The following SLC1A3 variants were observed in gnomAD, a reference collection of about 807,000 sequenced individuals.
The protein encoded by SLC1A3 is solute carrier family 1 member 3.
Under a neutral mutation model 48.1 loss-of-function variants are expected in SLC1A3, and 21 were observed. That is an observed-to-expected ratio of 0.44 (90% CI 0.31 to 0.63). The LOEUF is 0.63. SLC1A3 is among the 20% of genes least tolerant of loss of function. SLC1A3 has a pLI of 0.08. For synonymous variants in SLC1A3, 239 were observed against 251.4 expected, an observed-to-expected ratio of 0.95 and a Z score of 0.47; for missense variants, 546 against 689.0, an observed-to-expected ratio of 0.79 and a Z score of 2.32.
chr5:36,629,665 C>T, intron 3 of SLC1A3, 78 bp downstream of exon 3: 5 of 1,248,436 alleles, frequency 4.0e-6, no homozygotes, highest in South Asian at 1.2e-5. Flanking sequence ...AAAGCCAGTG[C>T]TTTAGGTTTC....
intron 3 of SLC1A3, among the ~76,000 whole-genome samples, chr5:36,630,766 G>T (rs796104361): frequency 2.0e-5 from 3 of 152,194 alleles, no homozygotes; most frequent in South Asian, 4.1e-4. Flanking sequence ...TCAATGCCTT[G>T]CAGATCTCTG....
chr5:36,686,430 T>C lies in SLC1A3; in HGVS notation c.*161T>C, dbSNP rs1742652450. The stretch of plus-strand genomic sequence containing the variant: ...GTCCTCCAAAACACAAGGGAGGATT[T>C]TGGGTGGCCAAAGTGTACAATTTTC... On this transcript the variant is annotated 3_prime_UTR_variant, in exon 10 of 10. Transcript: ENST00000265113. 1 of 662,384 alleles carries C rather than the reference T, an allele frequency of 1.5e-6. No homozygotes were observed. Among genetic ancestry groups the C allele is most frequent in the South Asian group, 1.7e-5 (1 of 57,374 alleles). 41.0% of individuals were successfully genotyped at this position (662,384 alleles called of 1,614,324 possible).
chr5:36,649,686 T>C (rs1174059732), intron 3 of SLC1A3, among the ~76,000 whole-genome samples: 1 of 152,240 alleles, frequency 6.6e-6, no homozygotes, highest in African/African-American at 2.4e-5. Flanking sequence ...TCCTGATCAA[T>C]GATTCTCAAA....
At chr5:36,636,511 T>TTCTTTC (rs1740389552) in intron 3 of SLC1A3, 1 of 138,996 alleles carries the variant, frequency 7.2e-6, no homozygotes, top group African/African-American at 2.9e-5. Flanking sequence ...TTCTTTTTCT[T>TTCTTTC]TCTTTCTTTC....
At chr5:36,604,542 T>C (rs1738847383), upstream of SLC1A3, among the ~76,000 whole-genome samples, 1 of 152,204 alleles carries the variant, frequency 6.6e-6, no homozygotes, top group Non-Finnish European at 1.5e-5. Flanking sequence ...TGAGACTCTT[T>C]GCATCTCATT....
intron 3 of SLC1A3, among the ~76,000 whole-genome samples, chr5:36,645,302 G>A (rs1221492555): frequency 7.1e-6 from 1 of 140,874 alleles, no homozygotes; most frequent in Non-Finnish European, 1.5e-5. Flanking sequence ...TTATCTTTGA[G>A]GACTGACTTC....
chr5:36,651,852 A>G (rs915560182), intron 3 of SLC1A3, among the ~76,000 whole-genome samples: 1 of 152,122 alleles, frequency 6.6e-6, no homozygotes, highest in South Asian at 2.1e-4. Context: ...CTCCACTTTC[A>G]TGTTAAAAAG....
chr5:36,649,525 C>A (rs3776576), intron 3 of SLC1A3, among the ~76,000 whole-genome samples: 18,752 of 152,182 alleles, frequency 0.12, 1,288 homozygotes, highest in South Asian at 0.18. Context: ...AGGACTGCAG[C>A]CTTTCTATAG....
intron 6 of SLC1A3, among the ~76,000 whole-genome samples, chr5:36,678,149 G>A (rs1742287952): frequency 6.6e-6 from 1 of 152,156 alleles, no homozygotes; most frequent in African/African-American, 2.4e-5. Flanking sequence ...CCTGAGGCAG[G>A]AAAGCATCCA....
intron 3 of SLC1A3, among the ~76,000 whole-genome samples, chr5:36,655,944 G>A (rs547775015): frequency 1.3e-5 from 2 of 152,294 alleles, no homozygotes; most frequent in African/African-American, 4.8e-5. Flanking sequence ...ACTTAGCCTG[G>A]AACAGAGCTG....
At chr5:36,633,298 T>C (rs1408583226) in intron 3 of SLC1A3, among the ~76,000 whole-genome samples, 1 of 152,168 alleles carries the variant, frequency 6.6e-6, no homozygotes, top group Non-Finnish European at 1.5e-5. Flanking sequence ...AAATCTTTGG[T>C]GTCACCCCAG....
intron 8 of SLC1A3, among the ~76,000 whole-genome samples, chr5:36,681,194 A>G (rs1742430454): frequency 6.6e-6 from 1 of 152,214 alleles, no homozygotes; most frequent in African/African-American, 2.4e-5. Flanking sequence ...GACTTTTCCT[A>G]TGCATAGACA....
intron 4 of SLC1A3, among the ~76,000 whole-genome samples, chr5:36,672,613 A>G (rs528370513): frequency 6.7e-6 from 1 of 149,458 alleles, no homozygotes; most frequent in South Asian, 2.1e-4. Flanking sequence ...TGTGGCAGGT[A>G]AAGCCAAGAG....
chr5:36,613,299 T>C (rs1431126145), intron 2 of SLC1A3: 1 of 158,660 alleles, frequency 6.3e-6, no homozygotes, highest in Non-Finnish European at 1.4e-5. Flanking sequence ...GAGTCTACTC[T>C]GTAAGTGAGT....
At chr5:36,630,311 A>T (rs1740088897) in intron 3 of SLC1A3, 1 of 152,398 alleles carries the variant, frequency 6.6e-6, no homozygotes, top group South Asian at 2.1e-4. Context: ...GGAAAAGGTG[A>T]AAGAGTCATT....
At chr5:36,609,155 C>G (rs1179303779) in intron 2 of SLC1A3, 13 of 985,246 alleles carry the variant, frequency 1.3e-5, no homozygotes, top group African/African-American at 1.7e-5. Flanking sequence ...TAACACAGAT[C>G]TCTTTCATTC....
chr5:36,617,997 A>T (rs1372586533), intron 2 of SLC1A3, among the ~76,000 whole-genome samples: 1 of 152,220 alleles, frequency 6.6e-6, no homozygotes, highest in Non-Finnish European at 1.5e-5. Context: ...TGTGGGATTT[A>T]AAAAAGAGTT....
At chr5:36,625,987 C>A (rs907808926) in intron 2 of SLC1A3, among the ~76,000 whole-genome samples, 2 of 152,190 alleles carry the variant, frequency 1.3e-5, no homozygotes, top group Non-Finnish European at 2.9e-5. Context: ...TTGCATTGTT[C>A]TGTTAGATAT....
chr5:36,624,628 A>G (rs1379439967), intron 2 of SLC1A3, among the ~76,000 whole-genome samples: 6 of 152,180 alleles, frequency 3.9e-5, no homozygotes, highest in Admixed American at 2.6e-4. Context: ...AATGACTAGG[A>G]GCTGTTGCTG....
Sources: gnomAD v4.1 joint callset for allele counts (sites outside exome capture counted in the v4.1 genomes callset) on GRCh38, gnomAD v4.1.1 for gene constraint, MANE v1.5 for transcripts, NCBI Gene and HGNC (gene_info 2026-07-23, HGNC 2026-07-21) for gene names.